Variants in TG observed in about 807,000 individuals in gnomAD.
TG encodes thyroglobulin.
In TG, 270 loss-of-function variants were observed where a neutral mutation model predicts 324.7. The observed-to-expected ratio is 0.83, with a 90% CI of 0.75 to 0.92. TG has a LOEUF of 0.92. TG is among the 40% of genes least tolerant of loss of function. TG has a pLI of 0.00. For missense variants in TG, 3,591 were observed against 3,456.4 expected (o/e 1.04, Z -0.98); for synonymous variants, 1,401 against 1,327.0 (o/e 1.06, Z -1.21).
chr8:132,964,903 G>A (rs982684658), intron 29 of TG: 5 of 702,224 alleles, frequency 7.1e-6, no homozygotes, highest in South Asian at 4.4e-5. Flanking sequence ...TTTCTCGGAG[G>A]AGGCCAGAAG....
Position 133,113,456 on chromosome 8 carries a change from A to G in TG, c.7607A>G (p.Lys2536Arg). ...FEESRGRTSSKTAFYQALQNS... is the reference protein window; with the variant it reads ...FEESRGRTSSRTAFYQALQNS... ...GAAAGTCGAGGCCGGACCAGTAGCA[A>G]AACAGCCTTTTACCAGGCACTGCAG... The change falls in exon 44 of 48, where the codon AAA (lysine) becomes AGA (arginine). Residue 2536 changes from lysine (K) to arginine (R), a missense_variant. Coordinates refer to ENST00000220616, the MANE Select transcript of TG (RefSeq NM_003235.5). 6.2e-7 allele frequency: 1 copy of G among 1,614,060 alleles called. No homozygotes were observed.
intron 41 of TG, among the ~76,000 whole-genome samples, chr8:133,040,969 C>T (rs1383901988): frequency 6.6e-6 from 1 of 152,214 alleles, no homozygotes; most frequent in Admixed American, 6.5e-5. Flanking sequence ...CTCAGGATCC[C>T]CCATCTTTCC....
intron 41 of TG, chr8:133,046,726 A>C (rs1839481536): frequency 6.6e-6 from 1 of 152,226 alleles, no homozygotes. Flanking sequence ...TAGGACAGGC[A>C]CAGGATGTTT....
chr8:133,066,762 T>C (rs1171174710), intron 41 of TG, among the ~76,000 whole-genome samples: 1 of 152,230 alleles, frequency 6.6e-6, no homozygotes, highest in Non-Finnish European at 1.5e-5. Context: ...GGGATACAAG[T>C]ATATGCCCTA....
In TG at chr8:132,898,038, G is replaced by A. The variant is rs116431123; in HGVS notation, c.3140-131G>A. ...GTGATTGTGGACAATGTCCGGCTGG[G>A]GGTCTAGACTGGGGACAGAAGGCGA... On this transcript the variant is annotated intron_variant, in intron 12 of 47. Transcript: ENST00000220616. The A allele has an allele frequency of 1.0e-3, 993 of 969,666 alleles. 8 individuals carry two copies. In the African/African-American group the frequency reaches 0.014, roughly 14 times the overall value. The allele number at this position is 969,666 out of a possible 1,614,324, so 60.1% of individuals were successfully genotyped here.
chr8:133,096,571 C>T lies in TG; in HGVS notation c.7572+198C>T, dbSNP rs560167202. ...AGGGTAGTGAGCAACACAGGCACAT[C>T]CACAAATTACAGCTGTGAATGAATC... On this transcript the variant is annotated intron_variant, in intron 43 of 47. Coordinates refer to ENST00000220616, the MANE Select transcript of TG (RefSeq NM_003235.5). Among the ~76,000 whole-genome samples the T allele has an allele frequency of 1.2e-4, 19 of 152,244 alleles. 1 individual carries two copies. The highest frequency in any genetic ancestry group is 1.0e-3 in the South Asian group (5 of 4,824).
chr8:132,989,483 A>G (rs749019227), intron 35 of TG, among the ~76,000 whole-genome samples: 1 of 152,180 alleles, frequency 6.6e-6, no homozygotes, highest in African/African-American at 2.4e-5. Context: ...TGCAGCTGAG[A>G]GGTGCGAGGT....
intron 7 of TG, 76 bp downstream of exon 7, chr8:132,882,688 T>C (rs1477797147): frequency 2.5e-6 from 4 of 1,612,718 alleles, no homozygotes; most frequent in Admixed American, 3.3e-5. Context: ...TGCTATGGTG[T>C]GTGTGGCTGC....
chr8:132,990,158 T>TTATA (rs10536232), intron 35 of TG, among the ~76,000 whole-genome samples: 4,236 of 141,610 alleles, frequency 0.03, 83 homozygotes, highest in African/African-American at 0.063. Context: ...AGCTATACAA[T>TTATA]TATATATATA....
chr8:133,047,510 A>G lies in TG; in HGVS notation c.7239+17487A>G, dbSNP rs11993576. On this transcript the variant is annotated intron_variant, in intron 41 of 47. Coordinates refer to ENST00000220616, the MANE Select transcript of TG (RefSeq NM_003235.5). ...AGCCCAGGCCCATACCAAAGGCCAC[A>G]TTCTATCTGCACAGCATGCTGCCTA... 6.5e-3 allele frequency: 2,311 copies of G among 354,338 alleles called. 69 individuals carry two copies. Among genetic ancestry groups the G allele is most frequent in the African/African-American group, 0.046 (2,140 of 46,886 alleles). 21.9% of individuals were successfully genotyped at this position (354,338 alleles called of 1,614,324 possible).
chr8:132,899,217 G>A (rs536442379), intron 14 of TG, among the ~76,000 whole-genome samples: 1 of 152,204 alleles, frequency 6.6e-6, no homozygotes, highest in African/African-American at 2.4e-5. Flanking sequence ...AACAAAACAT[G>A]CTATCATGTT....
In TG at chr8:132,897,716, G is replaced by T; in HGVS notation, c.3069G>T (p.Arg1023=). 1.2e-6 allele frequency: 2 copies of T among 1,614,264 alleles called. No individual in the cohort carries two copies. The highest frequency in any genetic ancestry group is 1.3e-5 in the African/African-American group (1 of 75,074). Reference sequence around the variant, plus strand: ...CGGCTGGAGCATCCGCCCTTCTGCGGTCGGGCCCCTACATGCCACAGTGTG... The same window carrying T: ...CGGCTGGAGCATCCGCCCTTCTGCGTTCGGGCCCCTACATGCCACAGTGTG... ...DDSAGASALL[R]SGPYMPQCDA... The change falls in exon 12 of 48, where the codon CGG becomes CGT. Residue 1023 remains arginine (R), a synonymous_variant. Coordinates refer to ENST00000220616, the MANE Select transcript of TG (RefSeq NM_003235.5).
intron 41 of TG, among the ~76,000 whole-genome samples, chr8:133,085,361 A>G (rs1416833840): frequency 1.3e-5 from 2 of 152,264 alleles, no homozygotes; most frequent in Non-Finnish European, 2.9e-5. Flanking sequence ...ATCGGATTTC[A>G]TCACAATTTA....
chr8:133,056,575 G>C (rs191611625), intron 41 of TG, among the ~76,000 whole-genome samples: 29 of 152,188 alleles, frequency 1.9e-4, no homozygotes, highest in African/African-American at 7.0e-4. Context: ...AATCCCAGCT[G>C]TCTCCTCTGA....
At chr8:133,101,240 G>A (rs995135307) in intron 43 of TG, among the ~76,000 whole-genome samples, 1 of 152,204 alleles carries the variant, frequency 6.6e-6, no homozygotes, top group African/African-American at 2.4e-5. Context: ...AGGGCACAGT[G>A]GACAACCAAG....
intron 22 of TG, among the ~76,000 whole-genome samples, chr8:132,925,166 T>C (rs4404893): frequency 6.6e-6 from 1 of 152,246 alleles, no homozygotes; most frequent in Non-Finnish European, 1.5e-5. Context: ...TAGATATTAT[T>C]GCCAATATTT....
chr8:132,980,547 C>T (rs1830701430), intron 34 of TG, among the ~76,000 whole-genome samples: 1 of 152,056 alleles, frequency 6.6e-6, no homozygotes, highest in Non-Finnish European at 1.5e-5. Flanking sequence ...TAGTGGTTTC[C>T]CTGAGTCCTG....
intron 5 of TG, among the ~76,000 whole-genome samples, chr8:132,879,937 G>T (rs989343819): frequency 6.6e-6 from 1 of 152,336 alleles, no homozygotes; most frequent in African/African-American, 2.4e-5. Flanking sequence ...TTGAATTAGC[G>T]AAGCATGGAA....
intron 27 of TG, among the ~76,000 whole-genome samples, chr8:132,949,553 A>G (rs537083929): frequency 6.6e-6 from 1 of 152,318 alleles, no homozygotes; most frequent in South Asian, 2.1e-4. Flanking sequence ...CTGTCCCCCA[A>G]ACTAATGCCC....
Sources: allele counts gnomAD v4.1 joint callset (sites outside exome capture counted in the v4.1 genomes callset), GRCh38; gene constraint gnomAD v4.1.1; transcripts MANE v1.5; gene names NCBI Gene and HGNC (gene_info 2026-07-23, HGNC 2026-07-21).